The following TMEM132B variants were observed in gnomAD, a reference collection of about 807,000 sequenced individuals.
TMEM132B encodes transmembrane protein 132B.
TMEM132B carries 18 observed loss-of-function variants against 90.8 expected under a neutral mutation model. The ratio of observed to expected loss-of-function variants is 0.20; its 90% confidence interval spans 0.14 to 0.29. The LOEUF (loss-of-function observed/expected upper bound fraction) is 0.29. TMEM132B is among the 10% of genes least tolerant of loss of function. The pLI is 1.00. For synonymous variants in TMEM132B, 504 were observed against 523.3 expected, an observed-to-expected ratio of 0.96 and a Z score of 0.50; for missense variants, 1,096 against 1,326.8, an observed-to-expected ratio of 0.83 and a Z score of 2.70.
rs1458186328 is a variant in TMEM132B, at chr12:125,644,167, C to A, written c.1529C>A (p.Thr510Asn). ...TIVNFTHQHF[T>N]SQFEVTVWAP... ...GTGAACTTCACCCACCAGCACTTCA[C>A]CTCCCAGTTCGAGGTCACTGTCTGG... The change falls in exon 6 of 9, where the codon ACC becomes AAC. Residue 510 changes from threonine (T) to asparagine (N), a missense_variant. Coordinates refer to ENST00000682704, the MANE Select transcript of TMEM132B (RefSeq NM_001366854.1). 1 of 1,614,102 alleles carries A rather than the reference C, an allele frequency of 6.2e-7. No homozygotes were observed.
At chr12:125,400,362 C>T (rs1879285783) in intron 2 of TMEM132B, among the ~76,000 whole-genome samples, 6 of 152,198 alleles carry the variant, frequency 3.9e-5, no homozygotes, top group Admixed American at 3.3e-4. Flanking sequence ...TGCAGATCCC[C>T]CTTCAGGTGT....
intron 1 of TMEM132B, among the ~76,000 whole-genome samples, chr12:125,271,019 T>C (rs1874825512): frequency 6.6e-6 from 1 of 151,140 alleles, no homozygotes; most frequent in Non-Finnish European, 1.5e-5. Flanking sequence ...GGTGCAAGCC[T>C]AGCTTACTGC....
At chr12:125,241,568 T>C (rs1780987059) in intron 1 of TMEM132B, among the ~76,000 whole-genome samples, 1 of 152,216 alleles carries the variant, frequency 6.6e-6, no homozygotes, top group Non-Finnish European at 1.5e-5. Context: ...CTCTCCTTTC[T>C]GTACGACAGT....
chr12:125,420,407 G>C lies in TMEM132B; in HGVS notation c.1106+4730G>C, dbSNP rs186672601. ...CACCACATGTAAGCTGCTAAGGCTT[G>C]GGGCTGGCACCCTCTGAAGCCATGA... On this transcript the variant is annotated intron_variant, in intron 3 of 8. Transcript: ENST00000682704. Among the ~76,000 whole-genome samples, 1,394 of 151,860 alleles carry C rather than the reference G, an allele frequency of 9.2e-3. 6 individuals are homozygous for C. The highest frequency in any genetic ancestry group is 0.014 in the Non-Finnish European group (965 of 68,026).
At chr12:125,615,793 T>C (rs913504480) in intron 5 of TMEM132B, among the ~76,000 whole-genome samples, 2 of 152,170 alleles carry the variant, frequency 1.3e-5, no homozygotes, top group African/African-American at 4.8e-5. Flanking sequence ...GTGAGTGGTG[T>C]AGGGGCCAAG....
chr12:125,458,363 T>C lies in TMEM132B; in HGVS notation c.1106+42686T>C, dbSNP rs1881350214. On this transcript the variant is annotated intron_variant, in intron 3 of 8. Coordinates refer to ENST00000682704, the MANE Select transcript of TMEM132B (RefSeq NM_001366854.1). This position sits in a 1 kb window ranked among gnomAD's most constrained non-coding sequence, Gnocchi z 4.9. Reference sequence around the variant, plus strand: ...GTCCCCTACCTCTGCCATAAACAACTTGGAGCTTGAATAGAAACCAGGAAA... The same window carrying C: ...GTCCCCTACCTCTGCCATAAACAACCTGGAGCTTGAATAGAAACCAGGAAA... 6.6e-6 allele frequency among the ~76,000 whole-genome samples: 1 copy of C among 152,020 alleles called. No homozygotes were observed. The highest frequency in any genetic ancestry group is 1.9e-4 in the East Asian group (1 of 5,178).
rs578064730 is a variant in TMEM132B, at chr12:125,309,537, TGTG to T, written c.68-39911_68-39909del. On this transcript the variant is annotated intron_variant, in intron 1 of 8. Transcript: ENST00000682704. ...CTGTCCTAGGCAGGGAAAACTCAGA[TGTG>T]GTGTTTGTCCTCTTGGAATTTCCAT... 9.9e-5 allele frequency among the ~76,000 whole-genome samples: 15 copies of T among 152,230 alleles called. No individual in the cohort carries two copies. The South Asian group carries it at 3.1e-3, about 32-fold the overall frequency.
At chr12:125,617,498 A>C (rs1351955992) in intron 5 of TMEM132B, among the ~76,000 whole-genome samples, 3 of 152,020 alleles carry the variant, frequency 2.0e-5, no homozygotes, top group Non-Finnish European at 4.4e-5. Context: ...GGCATGCGCC[A>C]CCACACCTGG....
rs961542777 is a variant in TMEM132B, at chr12:125,437,173, G to C, written c.1106+21496G>C. Among the ~76,000 whole-genome samples the C allele has an allele frequency of 3.3e-5, 5 of 152,270 alleles. No individual in the cohort carries two copies. In the South Asian group the frequency reaches 1.0e-3, roughly 32 times the overall value. On this transcript the variant is annotated intron_variant, in intron 3 of 8. Transcript: ENST00000682704. ...GAGGGGCTGCCTGGGAGGGAGCATG[G>C]GATTGGGGCAGAGTGACCCCGCTCC...
chr12:125,187,073 C>T (rs1364487499), intron 1 of TMEM132B, among the ~76,000 whole-genome samples: 2 of 152,192 alleles, frequency 1.3e-5, no homozygotes, highest in Non-Finnish European at 2.9e-5. Context: ...CCCCCAAACC[C>T]TTAGCTTCCT....
chr12:125,440,329 T>C (rs1051634473), intron 3 of TMEM132B, among the ~76,000 whole-genome samples: 2 of 152,356 alleles, frequency 1.3e-5, no homozygotes, highest in Admixed American at 1.3e-4. Context: ...ATTAAATTAT[T>C]CCTCTTTTTA....
intron 2 of TMEM132B, among the ~76,000 whole-genome samples, chr12:125,357,672 A>G (rs771850969): frequency 2.4e-4 from 36 of 152,350 alleles, no homozygotes; most frequent in Admixed American, 5.2e-4. Context: ...TAGAAGAAGA[A>G]GAGCATGTGC....
intron 3 of TMEM132B, among the ~76,000 whole-genome samples, chr12:125,497,421 G>T (rs1882589916): frequency 6.6e-6 from 1 of 152,168 alleles, no homozygotes; most frequent in Non-Finnish European, 1.5e-5. Context: ...ACAAGGTATG[G>T]GGGCTTTCCT....
At chr12:125,474,793 C>G (rs1177882490) in intron 3 of TMEM132B, among the ~76,000 whole-genome samples, 1 of 152,088 alleles carries the variant, frequency 6.6e-6, no homozygotes, top group Non-Finnish European at 1.5e-5. Flanking sequence ...ATCCTCTGTC[C>G]GTCTCTGGGC....
Position 125,277,209 on chromosome 12 carries a change from G to A in TMEM132B, c.68-72243G>A, listed in dbSNP as rs150956557. Among the ~76,000 whole-genome samples the A allele has an allele frequency of 4.3e-4, 66 of 152,190 alleles. 1 individual carries two copies. In the East Asian group the frequency reaches 0.013, roughly 29 times the overall value. On this transcript the variant is annotated intron_variant, in intron 1 of 8. Transcript: ENST00000682704. This position sits in a 1 kb window ranked among gnomAD's most constrained non-coding sequence, Gnocchi z 4.3. ...TGAAGAGGGAGAACAGGCCGGGCAC[G>A]ATGGCTCATGCCTGTAGTCCCAGCA... is the stretch of plus-strand genomic sequence containing the variant.
chr12:125,585,068 G>C (rs1414390950), intron 5 of TMEM132B: 1 of 152,152 alleles, frequency 6.6e-6, no homozygotes, highest in Non-Finnish European at 1.5e-5. Flanking sequence ...GTCTGGGAGG[G>C]GTTGATTTCT....
At chr12:125,297,794 A>C (rs1021846949) in intron 1 of TMEM132B, among the ~76,000 whole-genome samples, 1 of 151,966 alleles carries the variant, frequency 6.6e-6, no homozygotes, top group Non-Finnish European at 1.5e-5. Context: ...TGGACCCATA[A>C]ATGAAGGGGG....
chr12:125,336,481 A>G (rs1876965505), intron 1 of TMEM132B, among the ~76,000 whole-genome samples: 1 of 152,198 alleles, frequency 6.6e-6, no homozygotes, highest in Non-Finnish European at 1.5e-5. Flanking sequence ...GCTATGACTG[A>G]CCTTAAATTC....
intron 2 of TMEM132B, among the ~76,000 whole-genome samples, chr12:125,404,406 GA>G (rs1388286719): frequency 6.6e-6 from 1 of 152,196 alleles, no homozygotes; most frequent in African/African-American, 2.4e-5. Context: ...CATATCTGGA[GA>G]AGAAGTGTTT....
Sources: gnomAD v4.1 joint callset for allele counts (sites outside exome capture counted in the v4.1 genomes callset) on GRCh38, gnomAD v4.1.1 for gene constraint, Gnocchi (gnomAD v3.1) non-coding constraint, MANE v1.5 for transcripts, NCBI Gene and HGNC (gene_info 2026-07-23, HGNC 2026-07-21) for gene names.